The following EIF4E variants were observed in gnomAD, a reference collection of about 807,000 sequenced individuals.
EIF4E encodes eIF-4F 25 kDa subunit.
For missense variants in EIF4E, 113 were observed against 265.6 expected (o/e 0.43, Z 3.99); for synonymous variants, 71 against 88.5 (o/e 0.80, Z 1.11).
At position 98,885,114 on chromosome 4, in the gene EIF4E, A is replaced by C. The variant is rs1474488227; in HGVS notation, c.400-53T>G. On this transcript the variant is annotated intron_variant, in intron 5 of 6. Coordinates refer to ENST00000450253, the MANE Select transcript of EIF4E (RefSeq NM_001968.5). ...AATAGATTATAAACAAGCTCATTACACTGCAAATGTCTCTTCTGTATTTGC... is the reference window on the plus strand; with the variant it reads ...AATAGATTATAAACAAGCTCATTACCCTGCAAATGTCTCTTCTGTATTTGC... 7 of 1,573,780 alleles carry C rather than the reference A, an allele frequency of 4.4e-6. No individual in the cohort carries two copies. In the African/African-American group the frequency reaches 8.2e-5, roughly 18 times the overall value.
chr4:98,924,225 C>T (rs538440911), intron 1 of EIF4E, among the ~76,000 whole-genome samples: 10 of 151,906 alleles, frequency 6.6e-5, no homozygotes, highest in South Asian at 2.1e-4. Flanking sequence ...ATTACAAGCA[C>T]GCATCACCAC....
intron 2 of EIF4E, among the ~76,000 whole-genome samples, chr4:98,893,413 A>G (rs941734833): frequency 2.0e-5 from 3 of 152,202 alleles, no homozygotes; most frequent in African/African-American, 7.2e-5. Context: ...ACATAGTAGA[A>G]TTTCTTTCAA....
At chr4:98,898,530 C>T (rs1724514369) in intron 2 of EIF4E, among the ~76,000 whole-genome samples, 1 of 151,748 alleles carries the variant, frequency 6.6e-6, no homozygotes, top group African/African-American at 2.4e-5. Flanking sequence ...ATCGCTTGAA[C>T]CCGGGAGGTG....
At chr4:98,890,424 T>C (rs999424446) in intron 3 of EIF4E, among the ~76,000 whole-genome samples, 1 of 152,238 alleles carries the variant, frequency 6.6e-6, no homozygotes, top group Non-Finnish European at 1.5e-5. Context: ...ATTCTCCAAG[T>C]AAATTAGACA....
intron 5 of EIF4E, 150 bp downstream of exon 5, chr4:98,886,929 T>C (rs895567756): frequency 2.7e-6 from 2 of 744,598 alleles, no homozygotes; most frequent in Middle Eastern, 3.9e-4. Context: ...ACAGGAGTCA[T>C]ATGACAGAAC....
intron 1 of EIF4E, among the ~76,000 whole-genome samples, chr4:98,909,028 T>C (rs2110207016): frequency 6.6e-6 from 1 of 152,326 alleles, no homozygotes; most frequent in Admixed American, 6.5e-5. Flanking sequence ...TAATATATAC[T>C]GTGCTCTGTT....
In EIF4E at chr4:98,879,946, T is replaced by C. The variant is rs1560629963; in HGVS notation, c.*1082A>G. ...TAATCAAACTAGTGCTCCAAACTTA[T>C]GCTGTTCACATGGAAGACACCACAA... is the stretch of plus-strand genomic sequence containing the variant. On this transcript the variant is annotated 3_prime_UTR_variant, in exon 7 of 7. Transcript: ENST00000450253. 2 of 152,332 alleles carry C rather than the reference T, an allele frequency of 1.3e-5. No homozygotes were observed. Among genetic ancestry groups the C allele is most frequent in the South Asian group, 2.1e-4 (1 of 4,838 alleles). 9.4% of individuals were successfully genotyped at this position (152,332 alleles called of 1,614,324 possible). A position where few individuals can be genotyped will look rare whatever the true frequency, so the allele number is the denominator to read the frequency against.
intron 1 of EIF4E, among the ~76,000 whole-genome samples, chr4:98,908,604 C>A (rs1304949390): frequency 6.6e-6 from 1 of 152,146 alleles, no homozygotes; most frequent in Non-Finnish European, 1.5e-5. Flanking sequence ...ACAGTAAGAA[C>A]AGAAAAGGAT....
intron 2 of EIF4E, among the ~76,000 whole-genome samples, chr4:98,900,753 A>T (rs1724609067): frequency 6.6e-6 from 1 of 152,242 alleles, no homozygotes; most frequent in Non-Finnish European, 1.5e-5. Context: ...ACCTACTGGA[A>T]AGGAGTGGGA....
intron 1 of EIF4E, among the ~76,000 whole-genome samples, chr4:98,916,871 A>G: frequency 6.6e-6 from 1 of 152,244 alleles, no homozygotes; most frequent in South Asian, 2.1e-4. Flanking sequence ...CAGGAAGATA[A>G]AGGGCACAGC....
At chr4:98,891,504 A>C (rs1560636651) in intron 2 of EIF4E, 172 bp from the exon 3 acceptor site, 2 of 632,262 alleles carry the variant, frequency 3.2e-6, no homozygotes, top group Non-Finnish European at 2.8e-6. Flanking sequence ...AGGAAATTCT[A>C]ACACTTCATA....
At chr4:98,883,393 A>ATTTTTTTTTTTTTTTT (rs11408890) in intron 6 of EIF4E, among the ~76,000 whole-genome samples, 2 of 103,898 alleles carry the variant, frequency 1.9e-5, no homozygotes, top group Non-Finnish European at 3.6e-5. Context: ...TGTAAGTCAA[A>ATTTTTTTTTTTTTTTT]TTTTTTTTTT....
intron 3 of EIF4E, among the ~76,000 whole-genome samples, chr4:98,888,853 A>G (rs1724030706): frequency 6.6e-6 from 1 of 152,138 alleles, no homozygotes. Flanking sequence ...AACCCCATCT[A>G]GGAATATTTC....
At position 98,901,938 on chromosome 4, in the gene EIF4E, T is replaced by C. The variant is rs571203711; in HGVS notation, c.63A>G (p.Lys21=). Residue 21 remains lysine (K), a synonymous_variant, in exon 2 of 7, where the codon AAA becomes AAG. Transcript: ENST00000450253. Reference sequence around the variant, plus strand: ...TAGCAACCTCCTGATTAGATTCCGTTTTCTCCTCTTCTGTAGTCGGGGGAT... The same window carrying C: ...TAGCAACCTCCTGATTAGATTCCGTCTTCTCCTCTTCTGTAGTCGGGGGAT... ...TPNPPTTEEE[K]TESNQEVANP... 1.1e-5 allele frequency: 17 copies of C among 1,613,300 alleles called. No individual in the cohort carries two copies. In the Admixed American group the frequency reaches 1.7e-4, roughly 16 times the overall value.
intron 1 of EIF4E, chr4:98,926,090 C>G (rs893588974): frequency 6.6e-6 from 1 of 152,020 alleles, no homozygotes; most frequent in African/African-American, 2.4e-5. Context: ...CTCTTGAGCC[C>G]AGGAGTTTGA....
chr4:98,923,310 TTTC>T (rs1169350640), intron 1 of EIF4E, among the ~76,000 whole-genome samples: 2 of 148,406 alleles, frequency 1.3e-5, no homozygotes, highest in African/African-American at 2.5e-5. Flanking sequence ...GCAAAATCAT[TTTC>T]TTTTTCTTTT....
At chr4:98,894,617 G>T (rs1338599790) in intron 2 of EIF4E, among the ~76,000 whole-genome samples, 2 of 152,180 alleles carry the variant, frequency 1.3e-5, no homozygotes, top group African/African-American at 4.8e-5. Context: ...GCCTTGCTAT[G>T]GATTAGGCTT....
At chr4:98,893,454 T>C (rs190245364) in intron 2 of EIF4E, among the ~76,000 whole-genome samples, 1 of 152,264 alleles carries the variant, frequency 6.6e-6, no homozygotes, top group Non-Finnish European at 1.5e-5. Flanking sequence ...AACCCTGCAG[T>C]TGCTTTATCA....
At chr4:98,882,817 T>TC (rs1723754928) in intron 6 of EIF4E, among the ~76,000 whole-genome samples, 1 of 151,866 alleles carries the variant, frequency 6.6e-6, no homozygotes, top group African/African-American at 2.4e-5. Flanking sequence ...AAAAAAATTC[T>TC]TAATTTAACT....
Sources: gnomAD v4.1 joint callset for allele counts (sites outside exome capture counted in the v4.1 genomes callset) on GRCh38, gnomAD v4.1.1 for gene constraint, MANE v1.5 for transcripts, NCBI Gene and HGNC (gene_info 2026-07-23, HGNC 2026-07-21) for gene names.